Variants in PRDM5 observed in about 807,000 individuals in gnomAD.
The protein encoded by PRDM5 is PR domain zinc finger protein 5.
A neutral mutation model predicts 81.2 loss-of-function variants in PRDM5; 56 were observed. The observed-to-expected ratio is 0.69, with a 90% CI of 0.56 to 0.86. The LOEUF (loss-of-function observed/expected upper bound fraction) is 0.86, where lower values mean the gene tolerates loss of function less well. Ranked by LOEUF, PRDM5 falls within the 40% of genes least tolerant of loss-of-function variation. The probability of loss-of-function intolerance (pLI) is 0.00; values close to 1 mark genes in which losing one functional copy is unlikely to be tolerated. For missense variants in PRDM5, 697 were observed against 770.1 expected (o/e 0.91, Z 1.12); for synonymous variants, 267 against 256.4 (o/e 1.04, Z -0.39).
In PRDM5 at chr4:120,918,176, G is replaced by C. The variant is rs114903947; in HGVS notation, c.93+4340C>G. ...AATATAGTTTGGAGAAAATGTTAGA[G>C]TAGTTACATAGTTTAAAAAATGTTT... On this transcript the variant is annotated intron_variant, in intron 1 of 15. Coordinates refer to ENST00000264808, the MANE Select transcript of PRDM5 (RefSeq NM_018699.4). Among the ~76,000 whole-genome samples the C allele has an allele frequency of 8.1e-3, 1,240 of 152,302 alleles. 12 individuals carry two copies. The highest frequency in any genetic ancestry group is 0.011 in the Non-Finnish European group (749 of 68,030).
intron 13 of PRDM5, among the ~76,000 whole-genome samples, chr4:120,770,522 G>A (rs969346536): frequency 4.0e-5 from 6 of 148,460 alleles, no homozygotes; most frequent in African/African-American, 1.0e-4. Flanking sequence ...ATAGTTTTAC[G>A]TGACATGGGA....
At chr4:120,772,053 G>T (rs1747370574) in intron 13 of PRDM5, among the ~76,000 whole-genome samples, 1 of 152,096 alleles carries the variant, frequency 6.6e-6, no homozygotes, top group African/African-American at 2.4e-5. Flanking sequence ...AGGGGGCTAG[G>T]GTTTGAACTC....
chr4:120,714,975 A>T (rs1737540806), intron 14 of PRDM5, among the ~76,000 whole-genome samples: 1 of 152,206 alleles, frequency 6.6e-6, no homozygotes, highest in African/African-American at 2.4e-5. Context: ...AAAACAGTTA[A>T]ATGTCTCAAG....
At chr4:120,799,372 C>A (rs1483620013) in intron 9 of PRDM5, among the ~76,000 whole-genome samples, 2 of 152,236 alleles carry the variant, frequency 1.3e-5, no homozygotes, top group African/African-American at 4.8e-5. Flanking sequence ...GCACCAGTAT[C>A]CCATTTCACA....
chr4:120,733,935 G>GTACCA (rs1740659873), intron 14 of PRDM5, among the ~76,000 whole-genome samples: 1 of 151,018 alleles, frequency 6.6e-6, no homozygotes, highest in African/African-American at 2.4e-5. Flanking sequence ...TATAATTAAT[G>GTACCA]TACCAGTAAA....
chr4:120,691,631 T>C (rs1578553803), downstream of PRDM5, among the ~76,000 whole-genome samples: 1 of 152,256 alleles, frequency 6.6e-6, no homozygotes, highest in African/African-American at 2.4e-5. Context: ...GTTTCATTCA[T>C]TCTTAGTGAT....
chr4:120,804,690 C>T (rs941518590), intron 8 of PRDM5, among the ~76,000 whole-genome samples: 3 of 152,194 alleles, frequency 2.0e-5, no homozygotes, highest in African/African-American at 7.2e-5. Context: ...CTCTGGGACA[C>T]ATTTAAAGTA....
At chr4:120,789,799 T>C (rs1419540257) in intron 10 of PRDM5, among the ~76,000 whole-genome samples, 1 of 152,174 alleles carries the variant, frequency 6.6e-6, no homozygotes, top group African/African-American at 2.4e-5. Flanking sequence ...GTCAGTTACT[T>C]TAAGCTCAGT....
chr4:120,716,269 TACA>T (rs771565871), intron 14 of PRDM5, among the ~76,000 whole-genome samples: 2 of 152,190 alleles, frequency 1.3e-5, no homozygotes, highest in Non-Finnish European at 2.9e-5. Context: ...ATACTACAAG[TACA>T]ACAACCATGT....
At chr4:120,912,426 G>A (rs1404767010) in intron 1 of PRDM5, among the ~76,000 whole-genome samples, 1 of 152,138 alleles carries the variant, frequency 6.6e-6, no homozygotes, top group Non-Finnish European at 1.5e-5. Flanking sequence ...CCCTGGGAAT[G>A]TAATCAGGTA....
chr4:120,805,175 C>T (rs554082903), intron 8 of PRDM5, among the ~76,000 whole-genome samples: 1 of 152,264 alleles, frequency 6.6e-6, no homozygotes, highest in Non-Finnish European at 1.5e-5. Flanking sequence ...CCTGAATAGA[C>T]CAATAACAGG....
chr4:120,779,927 AACAAAC>A (rs1205926752), intron 12 of PRDM5, among the ~76,000 whole-genome samples: 1 of 150,986 alleles, frequency 6.6e-6, no homozygotes, highest in Non-Finnish European at 1.5e-5. Flanking sequence ...CAAACAAACA[AACAAAC>A]AATATATATA....
At chr4:120,823,646 G>T (rs1373340051) in intron 3 of PRDM5, among the ~76,000 whole-genome samples, 3 of 152,166 alleles carry the variant, frequency 2.0e-5, no homozygotes, top group Non-Finnish European at 2.9e-5. Flanking sequence ...TCTTCATGGT[G>T]TTGTTCTCCT....
intron 14 of PRDM5, among the ~76,000 whole-genome samples, chr4:120,737,487 G>A (rs538187998): frequency 6.6e-6 from 1 of 152,286 alleles, no homozygotes; most frequent in Admixed American, 6.5e-5. Context: ...TTGGGACCCA[G>A]TACTTTCCCA....
chr4:120,687,335 TA>T (rs769703174), downstream of PRDM5, among the ~76,000 whole-genome samples: 95 of 152,218 alleles, frequency 6.2e-4, no homozygotes, highest in Admixed American at 1.0e-3. Context: ...TTCTATTTTC[TA>T]TTAGTTTGGC....
At chr4:120,723,954 A>AT (rs1739034351) in intron 14 of PRDM5, among the ~76,000 whole-genome samples, 2 of 68,978 alleles carry the variant, frequency 2.9e-5, no homozygotes, top group Admixed American at 1.8e-4. Context: ...TTTTTTTTGC[A>AT]TGTTGCTGGG....
intron 9 of PRDM5, 58 bp downstream of exon 9, chr4:120,799,603 T>C (rs778260535): frequency 2.2e-4 from 355 of 1,584,530 alleles, no homozygotes; most frequent in Non-Finnish European, 2.8e-4. Context: ...TTATAAAAAG[T>C]GACAATGTAA....
intron 14 of PRDM5, among the ~76,000 whole-genome samples, chr4:120,744,545 A>C (rs1404348106): frequency 6.6e-6 from 1 of 152,148 alleles, no homozygotes; most frequent in African/African-American, 2.4e-5. Context: ...AAGACTAATA[A>C]AGAAAAAAAG....
chr4:120,703,782 T>C (rs62323058), intron 15 of PRDM5, among the ~76,000 whole-genome samples: 12,751 of 152,184 alleles, frequency 0.084, 856 homozygotes, highest in Non-Finnish European at 0.12. Flanking sequence ...CTAGGTGGTG[T>C]TTCCAGAATT....
Sources: gnomAD v4.1 joint callset for allele counts (sites outside exome capture counted in the v4.1 genomes callset) on GRCh38, gnomAD v4.1.1 for gene constraint, MANE v1.5 for transcripts, NCBI Gene and HGNC (gene_info 2026-07-23, HGNC 2026-07-21) for gene names.